CERS4: variants seen among roughly 807,000 people sequenced by gnomAD.
CERS4 encodes LAG1 homolog, ceramide synthase 4.
Under a neutral mutation model 51.8 loss-of-function variants are expected in CERS4, and 65 were observed. The ratio of observed to expected loss-of-function variants is 1.26; its 90% CI spans 1.03 to 1.54. CERS4 has a LOEUF of 1.54. CERS4 is among the 40% of genes most tolerant of loss of function. The pLI is 0.00. For synonymous variants in CERS4, 228 were observed against 208.4 expected, an observed-to-expected ratio of 1.09 and a Z score of -0.81; for missense variants, 563 against 500.4, an observed-to-expected ratio of 1.13 and a Z score of -1.19.
In CERS4 at chr19:8,261,873, G is replaced by A. The variant is rs771971650; in HGVS notation, c.1005+29G>A. On this transcript the variant is annotated intron_variant, in intron 11 of 11. Coordinates refer to ENST00000251363, the MANE Select transcript of CERS4 (RefSeq NM_024552.3). ...TGGCTGGACCTCCCCGGGGGCCCCAGCCCTAAGCTCCTCCTTCCTCCCTGC... is the reference window on the plus strand; with the variant it reads ...TGGCTGGACCTCCCCGGGGGCCCCAACCCTAAGCTCCTCCTTCCTCCCTGC... 4.3e-6 allele frequency: 7 copies of A among 1,613,618 alleles called. No homozygotes were observed. In the Middle Eastern group the frequency reaches 6.6e-4, roughly 152 times the overall value.
At chr19:8,239,705 A>T (rs1968442936) in intron 2 of CERS4, 1 of 151,798 alleles carries the variant, frequency 6.6e-6, no homozygotes, top group African/African-American at 2.4e-5. Context: ...CGTTTCCTTT[A>T]TGGGAATGTT....
intron 2 of CERS4, among the ~76,000 whole-genome samples, chr19:8,231,340 CTA>C (rs927197866): frequency 2.0e-5 from 3 of 152,112 alleles, no homozygotes; most frequent in African/African-American, 7.2e-5. Context: ...TAAAATTTAA[CTA>C]TTTTTTTATC....
chr19:8,235,566 C>A (rs1968213415), intron 2 of CERS4, among the ~76,000 whole-genome samples: 1 of 150,750 alleles, frequency 6.6e-6, no homozygotes, highest in Admixed American at 6.6e-5. Context: ...CATAGGGAAA[C>A]CCTGTCAAAA....
chr19:8,224,205 G>A lies in CERS4; in HGVS notation c.-2+13343G>A, dbSNP rs527505989. The stretch of plus-strand genomic sequence containing the variant: ...GGGCGGATCACGAGGTCAGGGGTTC[G>A]AGACCAGCCTGACCAACATGGTGAA... On this transcript the variant is annotated intron_variant, in intron 2 of 11. Transcript: ENST00000251363. Among the ~76,000 whole-genome samples, 25 of 151,500 alleles carry A rather than the reference G, an allele frequency of 1.7e-4. No individual in the cohort carries two copies. The East Asian group carries it at 2.7e-3, about 16-fold the overall frequency.
rs57861384 is a variant in CERS4 at position 8,260,369 on chromosome 19, ATTTTT to A, written c.849-1306_849-1302del. On this transcript the variant is annotated intron_variant, in intron 10 of 11. Transcript: ENST00000251363. ...ACCACCACACCTGGCTAATTTTTGT[ATTTTT>A]TTTTTTTTTTTTAGTAGAGATGGGG... Among the ~76,000 whole-genome samples the A allele has an allele frequency of 8.3e-4, 116 of 139,064 alleles. 1 individual carries two copies. The highest frequency in any genetic ancestry group is 2.3e-3 in the African/African-American group (86 of 37,998). The allele number at this position is 139,064 out of a possible 152,430, so 91.2% of individuals were successfully genotyped here. A position where few individuals can be genotyped will look rare whatever the true frequency, so the allele number is the denominator to read the frequency against.
At chr19:8,226,662 T>C (rs1306199972) in intron 2 of CERS4, among the ~76,000 whole-genome samples, 1 of 152,120 alleles carries the variant, frequency 6.6e-6, no homozygotes, top group Non-Finnish European at 1.5e-5. Context: ...TCCCAGCACT[T>C]TGGAAGGCCG....
intron 2 of CERS4, among the ~76,000 whole-genome samples, chr19:8,234,173 G>T (rs1472216715): frequency 6.6e-6 from 1 of 152,164 alleles, no homozygotes; most frequent in Non-Finnish European, 1.5e-5. Context: ...GGGCATGGTG[G>T]CAGGTGCCTG....
intron 10 of CERS4, among the ~76,000 whole-genome samples, chr19:8,260,427 C>T (rs1309831762): frequency 2.7e-5 from 4 of 146,032 alleles, no homozygotes; most frequent in African/African-American, 5.0e-5. Context: ...AGGCTGGACT[C>T]GAACTTCTGA....
chr19:8,261,425 G>A (rs1466167603), intron 10 of CERS4: 1 of 489,784 alleles, frequency 2.0e-6, no homozygotes, highest in Non-Finnish European at 3.7e-6. Flanking sequence ...GAAAGCAGCT[G>A]AGTTCATAAG....
At chr19:8,213,103 G>A (rs990186135) in intron 2 of CERS4, among the ~76,000 whole-genome samples, 4 of 151,704 alleles carry the variant, frequency 2.6e-5, no homozygotes, top group Admixed American at 6.6e-5. Flanking sequence ...GCAGTGGTGC[G>A]ATCTTCGCCC....
At chr19:8,253,338 GAGAC>G (rs1174262809) in intron 3 of CERS4, among the ~76,000 whole-genome samples, 1 of 152,178 alleles carries the variant, frequency 6.6e-6, no homozygotes, top group Admixed American at 6.6e-5. Flanking sequence ...AGGCCACAGT[GAGAC>G]AGGCAGTGAA....
rs140156967 is a variant in CERS4, at chr19:8,243,463, C to T, written c.-1-7613C>T. The stretch of plus-strand genomic sequence containing the variant: ...TACTCTGTCTGGGATGCCTGGGCCT[C>T]GTTGTAGGTCTAGACTAGCTGCTAT... On this transcript the variant is annotated intron_variant, in intron 2 of 11. Transcript: ENST00000251363. Among the ~76,000 whole-genome samples, 11 of 152,220 alleles carry T rather than the reference C, an allele frequency of 7.2e-5. 1 individual carries two copies. Among genetic ancestry groups the T allele is most frequent in the African/African-American group, 2.4e-4 (10 of 41,526 alleles).
intron 2 of CERS4, among the ~76,000 whole-genome samples, chr19:8,247,403 T>G (rs1283471046): frequency 6.6e-6 from 1 of 152,048 alleles, no homozygotes; most frequent in African/African-American, 2.4e-5. Context: ...CACCTTCTTG[T>G]GTGAAAAACC....
Position 8,251,094 on chromosome 19 carries a change from C to T in CERS4, c.18C>T (p.Asn6=), listed in dbSNP as rs753296307. 8.7e-6 allele frequency: 14 copies of T among 1,604,038 alleles called. No individual in the cohort carries two copies. Among genetic ancestry groups the T allele is most frequent in the African/African-American group, 4.0e-5 (3 of 74,536 alleles). MLSSF[N]EWFWQDRFWL... is the part of the protein sequence containing the mutation. ...TCCACAGAATGCTGTCCAGTTTCAA[C>T]GAGTGGTTTTGGCAGGACAGGTTCT... The change falls in exon 3 of 12, where the codon AAC becomes AAT. Residue 6 remains asparagine, a synonymous_variant. Transcript: ENST00000251363.
intron 2 of CERS4, among the ~76,000 whole-genome samples, chr19:8,249,150 GGATGGGTGGATGGAT>G (rs996926714): frequency 6.8e-6 from 1 of 147,082 alleles, no homozygotes; most frequent in Non-Finnish European, 1.5e-5. Context: ...ACAGATGTTT[GGATGGGTGGATGGAT>G]GATGGGTGGG....
At chr19:8,213,110 G>A (rs553533220) in intron 2 of CERS4, among the ~76,000 whole-genome samples, 1 of 151,474 alleles carries the variant, frequency 6.6e-6, no homozygotes, top group South Asian at 2.1e-4. Flanking sequence ...TGCGATCTTC[G>A]CCCACTGCAA....
chr19:8,254,291 C>G (rs1335553543), intron 3 of CERS4, among the ~76,000 whole-genome samples: 1 of 121,638 alleles, frequency 8.2e-6, no homozygotes, highest in African/African-American at 2.9e-5. Flanking sequence ...CCACTGCACT[C>G]CAGCCTGGGT....
intron 2 of CERS4, chr19:8,222,147 T>A (rs999345601): frequency 1.3e-5 from 2 of 151,980 alleles, no homozygotes; most frequent in African/African-American, 4.8e-5. Context: ...CCCAAAGTGC[T>A]GGGATTACAG....
chr19:8,255,766 C>T (rs1213112357), intron 5 of CERS4, 41 bp downstream of exon 5: 20 of 1,518,660 alleles, frequency 1.3e-5, no homozygotes, highest in African/African-American at 4.2e-5. Flanking sequence ...GGGAAGCGGG[C>T]CGGGGTGGGG....
Sources: allele counts gnomAD v4.1 joint callset (sites outside exome capture counted in the v4.1 genomes callset), GRCh38; gene constraint gnomAD v4.1.1; transcripts MANE v1.5; gene names NCBI Gene and HGNC (gene_info 2026-07-23, HGNC 2026-07-21).